Variants in SOS2 observed in about 807,000 individuals in gnomAD.
SOS2 encodes the protein son of sevenless homolog 2.
SOS2 carries 65 observed loss-of-function variants against 148.2 expected under a neutral mutation model. The ratio of observed to expected loss-of-function variants is 0.44; its 90% CI spans 0.36 to 0.54. The LOEUF (loss-of-function observed/expected upper bound fraction) is 0.54, where lower values mean the gene tolerates loss of function less well. Among genes scored for constraint, SOS2 ranks in the 20% least tolerant of loss-of-function variants. The pLI, the probability that SOS2 is intolerant of heterozygous loss-of-function variation, is 0.00. For missense variants in SOS2, 1,341 were observed against 1,590.2 expected, an observed-to-expected ratio of 0.84 and a Z score of 2.67; for synonymous variants, 539 against 537.1, an observed-to-expected ratio of 1.00 and a Z score of -0.05.
At chr14:50,136,221 C>T (rs1485476408) in intron 18 of SOS2, among the ~76,000 whole-genome samples, 1 of 152,138 alleles carries the variant, frequency 6.6e-6, no homozygotes, top group Non-Finnish European at 1.5e-5. Context: ...TTTCCTCATC[C>T]TTTGCTCTAT....
chr14:50,122,716 T>C (rs1023749989), intron 21 of SOS2, among the ~76,000 whole-genome samples: 2 of 152,204 alleles, frequency 1.3e-5, no homozygotes, highest in Non-Finnish European at 2.9e-5. Flanking sequence ...TGCTGAAGTC[T>C]GAATGCAATT....
intron 1 of SOS2, among the ~76,000 whole-genome samples, chr14:50,214,302 A>C (rs1886974969): frequency 6.6e-6 from 1 of 151,136 alleles, no homozygotes; most frequent in South Asian, 2.1e-4. Context: ...AAATTCATAT[A>C]GGACCAATAA....
chr14:50,197,642 C>CAG lies in SOS2; in HGVS notation c.510+2048_510+2049insCT, dbSNP rs1886353549. On this transcript the variant is annotated intron_variant, in intron 4 of 22. Transcript: ENST00000216373. ...CCACAGGATTACACTGCAGTGGTCCCTGTGCCTATTGCCATGGCCTCTCTT... is the reference window on the plus strand; with the variant it reads ...CCACAGGATTACACTGCAGTGGTCCCAGTGTGCCTATTGCCATGGCCTCTCTT... 4.6e-5 allele frequency among the ~76,000 whole-genome samples: 7 copies of CAG among 151,856 alleles called. No homozygotes were observed. In the South Asian group the frequency reaches 1.5e-3, roughly 32 times the overall value.
intron 1 of SOS2, among the ~76,000 whole-genome samples, chr14:50,224,352 C>CAT (rs1566488017): frequency 6.8e-6 from 1 of 146,508 alleles, no homozygotes; most frequent in African/African-American, 2.5e-5. Flanking sequence ...CACACACACA[C>CAT]ACACACACAC....
chr14:50,119,336 A>G (rs547737122), intron 22 of SOS2, among the ~76,000 whole-genome samples: 2 of 152,282 alleles, frequency 1.3e-5, no homozygotes, highest in East Asian at 3.9e-4. Flanking sequence ...GCCCCATCCT[A>G]GACTACTGAA....
At chr14:50,162,876 G>T (rs929909359) in intron 8 of SOS2, among the ~76,000 whole-genome samples, 63 of 148,510 alleles carry the variant, frequency 4.2e-4, no homozygotes, top group African/African-American at 1.5e-3. Context: ...AGATTGTATT[G>T]TATTGTGCTC....
chr14:50,140,176 TAA>T, intron 16 of SOS2, 117 bp from the exon 17 acceptor site: 1 of 583,674 alleles, frequency 1.7e-6, no homozygotes, highest in Non-Finnish European at 3.1e-6. Context: ...TTTTTTACAT[TAA>T]AAGATGAGTG....
chr14:50,141,857 T>C (rs1218194223), intron 16 of SOS2, among the ~76,000 whole-genome samples: 2 of 152,138 alleles, frequency 1.3e-5, no homozygotes, highest in East Asian at 3.8e-4. Flanking sequence ...CTCTTCTCTA[T>C]CAAGGACTAC....
intron 17 of SOS2, among the ~76,000 whole-genome samples, 194 bp from the exon 18 acceptor site, chr14:50,138,978 TTAAAA>T (rs1419128204): frequency 1.3e-5 from 2 of 151,976 alleles, no homozygotes; most frequent in African/African-American, 2.4e-5. Context: ...GAGAAAGAAT[TTAAAA>T]TAAAAAGAAA....
intron 1 of SOS2, among the ~76,000 whole-genome samples, chr14:50,218,841 G>A (rs550894606): frequency 5.3e-5 from 8 of 152,296 alleles, no homozygotes; most frequent in Admixed American, 3.3e-4. Context: ...GCAGCCAGGC[G>A]TGGTGGCTCA....
chr14:50,150,257 T>C lies in SOS2; in HGVS notation c.2162-27A>G, dbSNP rs1258052251. 2.8e-6 allele frequency: 4 copies of C among 1,404,590 alleles called. No homozygotes were observed. In the South Asian group the frequency reaches 3.5e-5, roughly 12 times the overall value. The allele number at this position is 1,404,590 out of a possible 1,614,324, so 87.0% of individuals were successfully genotyped here. On this transcript the variant is annotated intron_variant, in intron 13 of 22. Coordinates refer to ENST00000216373, the MANE Select transcript of SOS2 (RefSeq NM_006939.4). ...TGGAAAAAGAACACATAAAGAAAAA[T>C]GTCTTTTACTTGACAGACATGACTG...
intron 4 of SOS2, among the ~76,000 whole-genome samples, chr14:50,194,742 C>T (rs1465817296): frequency 4.7e-5 from 7 of 149,326 alleles, no homozygotes; most frequent in African/African-American, 1.5e-4. Flanking sequence ...CACGCCACTG[C>T]GCTCCATACT....
intron 22 of SOS2, 113 bp from the exon 23 acceptor site, chr14:50,118,966 C>A (rs1883409802): frequency 1.6e-6 from 1 of 606,528 alleles, no homozygotes; most frequent in Admixed American, 3.5e-5. Context: ...TCAAAATAAA[C>A]TAATCTGGGT....
At chr14:50,167,140 C>A (rs1454412318) in intron 8 of SOS2, among the ~76,000 whole-genome samples, 3 of 151,830 alleles carry the variant, frequency 2.0e-5, no homozygotes, top group Non-Finnish European at 4.4e-5. Context: ...TAAAAAAAAA[C>A]ACATAAGAAA....
chr14:50,182,799 AC>A (rs1458880452), intron 5 of SOS2, among the ~76,000 whole-genome samples, 193 bp from the exon 6 acceptor site: 1 of 152,168 alleles, frequency 6.6e-6, no homozygotes. Context: ...CATGCCTTTG[AC>A]TTCTTTCTTA....
chr14:50,179,256 A>C (rs7160591), intron 7 of SOS2, among the ~76,000 whole-genome samples: 1 of 151,798 alleles, frequency 6.6e-6, no homozygotes, highest in Non-Finnish European at 1.5e-5. Context: ...AAATGAAAAA[A>C]CTTTCTTCAC....
intron 5 of SOS2, among the ~76,000 whole-genome samples, chr14:50,184,575 C>G (rs1885846935): frequency 6.6e-6 from 1 of 151,942 alleles, no homozygotes; most frequent in South Asian, 2.1e-4. Context: ...TGAAGGGTTA[C>G]TTGAAACCAA....
rs148339604 is a variant in SOS2 at position 50,161,976 on chromosome 14, C to A, written c.1069-367G>T. The stretch of plus-strand genomic sequence containing the variant: ...ATGTCTCCCAGGCTGGTCTTGAACA[C>A]CTGCTCAAGCTATCCTTCTGCCTCT... On this transcript the variant is annotated intron_variant, in intron 8 of 22. Transcript: ENST00000216373. Among the ~76,000 whole-genome samples the A allele has an allele frequency of 2.1e-3, 326 of 151,830 alleles. 2 individuals carry two copies. The highest frequency in any genetic ancestry group is 7.2e-3 in the African/African-American group (299 of 41,402).
intron 5 of SOS2, among the ~76,000 whole-genome samples, chr14:50,185,079 C>T (rs547500020): frequency 4.3e-4 from 65 of 152,148 alleles, no homozygotes; most frequent in African/African-American, 1.4e-3. Flanking sequence ...AACTGGTAAA[C>T]GTGTTTCCCT....
Sources: gnomAD v4.1 joint callset for allele counts (sites outside exome capture counted in the v4.1 genomes callset) on GRCh38, gnomAD v4.1.1 for gene constraint, MANE v1.5 for transcripts, NCBI Gene and HGNC (gene_info 2026-07-23, HGNC 2026-07-21) for gene names.